Variants in DPYS observed in about 807,000 individuals in gnomAD.
The protein encoded by DPYS is dihydropyrimidine amidohydrolase.
In DPYS, 39 loss-of-function variants were observed where a neutral mutation model predicts 50.3. The ratio of observed to expected loss-of-function variants is 0.78; its 90% CI spans 0.60 to 1.01. The LOEUF (loss-of-function observed/expected upper bound fraction) is 1.01. DPYS is among the 50% of genes least tolerant of loss of function. The probability of loss-of-function intolerance (pLI) is 0.00; values close to 1 mark genes in which losing one functional copy is unlikely to be tolerated. For missense variants in DPYS, 659 were observed against 680.9 expected, an observed-to-expected ratio of 0.97 and a Z score of 0.36; for synonymous variants, 245 against 250.7, an observed-to-expected ratio of 0.98 and a Z score of 0.22.
At chr8:104,461,827 T>C (rs1814182892) in intron 1 of DPYS, among the ~76,000 whole-genome samples, 1 of 152,008 alleles carries the variant, frequency 6.6e-6, no homozygotes, top group Non-Finnish European at 1.5e-5. Context: ...GAGAGGATAA[T>C]GAGGCCACAA....
chr8:104,384,931 T>C (rs917842781), intron 8 of DPYS, among the ~76,000 whole-genome samples: 2 of 152,222 alleles, frequency 1.3e-5, no homozygotes, highest in Admixed American at 1.3e-4. Context: ...ACTCCACTGA[T>C]GCTTGCTCTT....
chr8:104,463,955 C>CG (rs1052692125), intron 1 of DPYS, among the ~76,000 whole-genome samples: 6 of 152,140 alleles, frequency 3.9e-5, no homozygotes, highest in African/African-American at 4.8e-5. Flanking sequence ...TCAGCTGTTT[C>CG]GGGGGGTGGG....
At chr8:104,386,197 T>G (rs1325642103) in intron 8 of DPYS, among the ~76,000 whole-genome samples, 1 of 152,228 alleles carries the variant, frequency 6.6e-6, no homozygotes, top group Non-Finnish European at 1.5e-5. Context: ...GCCTTTTGGT[T>G]ACATGACCAA....
At chr8:104,446,773 T>G (rs2140716240) in intron 3 of DPYS, among the ~76,000 whole-genome samples, 1 of 152,324 alleles carries the variant, frequency 6.6e-6, no homozygotes, top group South Asian at 2.1e-4. Flanking sequence ...GAGACAGCTC[T>G]TTAAATCTTG....
intron 8 of DPYS, among the ~76,000 whole-genome samples, chr8:104,388,771 C>G (rs902111324): frequency 6.6e-6 from 1 of 152,156 alleles, no homozygotes; most frequent in African/African-American, 2.4e-5. Context: ...GCTGTCAAAT[C>G]AGATAAAAAC....
chr8:104,381,851 A>AACACACACACACAC (rs1228106911), intron 8 of DPYS, among the ~76,000 whole-genome samples: 2 of 54,490 alleles, frequency 3.7e-5, no homozygotes, highest in Admixed American at 1.8e-4. Context: ...GAGTTTTGAA[A>AACACACACACACAC]TCACACACAC....
Position 104,429,681 on chromosome 8 carries a change from G to A in DPYS, c.814C>T (p.Pro272Ser). The A allele has an allele frequency of 6.2e-7, 1 of 1,614,058 alleles. No individual in the cohort carries two copies. Among genetic ancestry groups the A allele is most frequent in the Non-Finnish European group, 8.5e-7 (1 of 1,179,996 alleles). Residue 272 changes from proline (P) to serine (S), a missense_variant, in exon 5 of 10, where the codon CCC (proline) becomes TCC (serine). Coordinates refer to ENST00000351513, the MANE Select transcript of DPYS (RefSeq NM_001385.3). The part of the protein sequence containing the change: ...RRDGKVVYGE[P>S]IAASLGTDGT... Reference sequence around the variant, plus strand: ...TCTGTGCCAAGACTGGCTGCTATGGGTTCACCATAGACCACCTTCCCTGGA... The same window carrying A: ...TCTGTGCCAAGACTGGCTGCTATGGATTCACCATAGACCACCTTCCCTGGA...
chr8:104,444,067 A>G (rs1305618150), intron 4 of DPYS, among the ~76,000 whole-genome samples, 181 bp downstream of exon 4: 1 of 152,212 alleles, frequency 6.6e-6, no homozygotes, highest in Non-Finnish European at 1.5e-5. Flanking sequence ...GAAGATGAAC[A>G]AAAGTGGTGG....
intron 7 of DPYS, among the ~76,000 whole-genome samples, chr8:104,415,465 T>C (rs962677123): frequency 1.3e-5 from 2 of 152,254 alleles, no homozygotes; most frequent in African/African-American, 4.8e-5. Flanking sequence ...TCTAGTTCAC[T>C]TGAAAGGTTC....
intron 4 of DPYS, among the ~76,000 whole-genome samples, chr8:104,432,416 A>C (rs1389894157): frequency 6.6e-6 from 1 of 152,232 alleles, no homozygotes; most frequent in Non-Finnish European, 1.5e-5. Context: ...AAGCAACGCT[A>C]AATATTGAGT....
chr8:104,385,144 T>G (rs1811172393), intron 8 of DPYS, among the ~76,000 whole-genome samples: 1 of 152,202 alleles, frequency 6.6e-6, no homozygotes, highest in East Asian at 1.9e-4. Flanking sequence ...CACAAAGAGG[T>G]GTAAAATTGC....
intron 8 of DPYS, among the ~76,000 whole-genome samples, chr8:104,386,036 T>A (rs1413260322): frequency 6.6e-6 from 1 of 152,196 alleles, no homozygotes; most frequent in Non-Finnish European, 1.5e-5. Flanking sequence ...TTTACTTTGG[T>A]AAATGAGAAT....
At chr8:104,424,900 C>T (rs2140624890) in intron 6 of DPYS, among the ~76,000 whole-genome samples, 1 of 149,214 alleles carries the variant, frequency 6.7e-6, no homozygotes, top group Admixed American at 6.7e-5. Flanking sequence ...GATCTTGGCT[C>T]ACTGCAACCT....
intron 7 of DPYS, chr8:104,420,401 T>C (rs985850486): frequency 6.6e-6 from 1 of 152,154 alleles, no homozygotes; most frequent in Admixed American, 6.5e-5. Flanking sequence ...GCATACAGTT[T>C]CTGCAACGAT....
At chr8:104,432,748 CA>C (rs1812997499) in intron 4 of DPYS, among the ~76,000 whole-genome samples, 1 of 152,142 alleles carries the variant, frequency 6.6e-6, no homozygotes. Context: ...CTGTTTTTCT[CA>C]TCTGTGAAAT....
intron 9 of DPYS, chr8:104,380,854 T>C: frequency 4.4e-6 from 1 of 227,722 alleles, no homozygotes; most frequent in Non-Finnish European, 8.9e-6. Flanking sequence ...TTGTAAATTT[T>C]GACCATGAAA....
chr8:104,460,921 G>A (rs978916092), intron 1 of DPYS, among the ~76,000 whole-genome samples: 7 of 152,124 alleles, frequency 4.6e-5, no homozygotes, highest in Admixed American at 3.9e-4. Context: ...AGTTATTAAA[G>A]AGATGATCTT....
At chr8:104,426,920 C>A (rs958806243) in intron 6 of DPYS, among the ~76,000 whole-genome samples, 1 of 152,294 alleles carries the variant, frequency 6.6e-6, no homozygotes, top group Non-Finnish European at 1.5e-5. Flanking sequence ...TGACATCAGG[C>A]TGGGCACGGT....
At chr8:104,430,252 T>C (rs1812907331) in intron 4 of DPYS, among the ~76,000 whole-genome samples, 1 of 152,028 alleles carries the variant, frequency 6.6e-6, no homozygotes, top group African/African-American at 2.4e-5. Context: ...AATCTTTTCA[T>C]GCCCTTGAAA....
Sources: gnomAD v4.1 joint callset for allele counts (sites outside exome capture counted in the v4.1 genomes callset) on GRCh38, gnomAD v4.1.1 for gene constraint, MANE v1.5 for transcripts, NCBI Gene and HGNC (gene_info 2026-07-23, HGNC 2026-07-21) for gene names.